Variants in RABGEF1 observed in about 807,000 individuals in gnomAD.
RABGEF1 encodes the protein RAB guanine nucleotide exchange factor 1.
RABGEF1 carries 26 observed loss-of-function variants against 57.3 expected under a neutral mutation model. That is an observed-to-expected ratio of 0.45 (90% CI 0.33 to 0.63). RABGEF1 has a LOEUF of 0.63. RABGEF1 is among the 20% of genes least tolerant of loss of function. The pLI, the probability that RABGEF1 is intolerant of heterozygous loss-of-function variation, is 0.02. For missense variants in RABGEF1, 464 were observed against 607.6 expected, an observed-to-expected ratio of 0.76 and a Z score of 2.48; for synonymous variants, 185 against 210.7, an observed-to-expected ratio of 0.88 and a Z score of 1.06.
chr7:66,746,063 A>G (rs1419076193), intron 1 of RABGEF1, among the ~76,000 whole-genome samples: 4 of 152,216 alleles, frequency 2.6e-5, no homozygotes, highest in Non-Finnish European at 4.4e-5. Flanking sequence ...GTTGTTTCAC[A>G]TGGCTGAAGT....
the RABGEF1 span, among the ~76,000 whole-genome samples, chr7:66,662,287 C>T: frequency 6.6e-6 from 1 of 151,322 alleles, no homozygotes; most frequent in African/African-American, 2.4e-5. Flanking sequence ...TGCAACATAG[C>T]GAAACCCCAT....
chr7:66,681,863 G>A (rs1421723675), upstream of RABGEF1, among the ~76,000 whole-genome samples: 2 of 152,086 alleles, frequency 1.3e-5, no homozygotes, highest in African/African-American at 2.4e-5. Context: ...TCGCCCTCCC[G>A]CTGCTGCGCA....
chr7:66,808,667 C>T (rs1789013974), intron 8 of RABGEF1, among the ~76,000 whole-genome samples: 2 of 152,138 alleles, frequency 1.3e-5, no homozygotes, highest in African/African-American at 4.8e-5. Context: ...GGGGAGGCTG[C>T]ACCCAGACAT....
chr7:66,791,982 C>A (rs891312860), intron 4 of RABGEF1, among the ~76,000 whole-genome samples: 1 of 151,898 alleles, frequency 6.6e-6, no homozygotes, highest in African/African-American at 2.4e-5. Flanking sequence ...CGTGGTGGCA[C>A]ATGCCTGTAG....
chr7:66,682,071 G>A, upstream of RABGEF1: 1 of 167,472 alleles, frequency 6.0e-6, no homozygotes, highest in Non-Finnish European at 1.5e-5. Flanking sequence ...CGGAAGTGAT[G>A]TTTGCGCGCC....
At chr7:66,733,697 C>CAAACAA (rs35157228) in intron 2 of RABGEF1, among the ~76,000 whole-genome samples, 5 of 151,138 alleles carry the variant, frequency 3.3e-5, no homozygotes, top group South Asian at 2.1e-4. Flanking sequence ...GGCTCCATCT[C>CAAACAA]AACAAAACAA....
At chr7:66,686,093 A>T (rs902448913) in intron 1 of RABGEF1, among the ~76,000 whole-genome samples, 3 of 152,118 alleles carry the variant, frequency 2.0e-5, no homozygotes, top group African/African-American at 7.2e-5. Context: ...AGCCTGGATC[A>T]AGACTGCGAA....
chr7:66,677,431 A>T (rs1789352072), upstream of RABGEF1, among the ~76,000 whole-genome samples: 1 of 152,026 alleles, frequency 6.6e-6, no homozygotes, highest in Non-Finnish European at 1.5e-5. Flanking sequence ...AATCAGAAAC[A>T]AGACAAGTAC....
intron 1 of RABGEF1, among the ~76,000 whole-genome samples, chr7:66,689,760 C>T (rs1791234033): frequency 1.3e-5 from 2 of 151,654 alleles, no homozygotes; most frequent in Admixed American, 6.6e-5. Context: ...CGAGATTGCA[C>T]CATTGCACTC....
intron 2 of RABGEF1, chr7:66,712,304 G>A (rs1794865048): frequency 6.6e-6 from 1 of 152,034 alleles, no homozygotes; most frequent in South Asian, 2.1e-4. Context: ...TATTTTGCAC[G>A]TTTTGCTAAT....
intron 1 of RABGEF1, among the ~76,000 whole-genome samples, chr7:66,753,879 GT>G (rs1053808007): frequency 6.6e-6 from 1 of 150,574 alleles, no homozygotes; most frequent in Admixed American, 6.6e-5. Context: ...GCTAATTTTT[GT>G]ATTTTTAGTA....
At chr7:66,714,391 G>A (rs1293151263) in intron 2 of RABGEF1, among the ~76,000 whole-genome samples, 1 of 152,038 alleles carries the variant, frequency 6.6e-6, no homozygotes. Context: ...TCTAACATTT[G>A]TAGAATTTGT....
At chr7:66,684,158 C>T (rs1205154902) in intron 1 of RABGEF1, among the ~76,000 whole-genome samples, 1 of 152,138 alleles carries the variant, frequency 6.6e-6, no homozygotes, top group East Asian at 1.9e-4. Context: ...TAAAATGGGT[C>T]TCCCTGGCTA....
chr7:66,659,563 T>TGAGTTCAA, the RABGEF1 span, among the ~76,000 whole-genome samples: 1 of 151,362 alleles, frequency 6.6e-6, no homozygotes, highest in African/African-American at 2.4e-5. Context: ...GTGGATCACT[T>TGAGTTCAA]GAGTTCAAGA....
chr7:66,805,493 T>G, intron 8 of RABGEF1, 97 bp downstream of exon 8: 1 of 1,534,906 alleles, frequency 6.5e-7, no homozygotes, highest in Non-Finnish European at 8.8e-7. Context: ...GGTGAATGCT[T>G]CTGTGTGAGA....
At chr7:66,655,102 AG>A in the RABGEF1 span, among the ~76,000 whole-genome samples, 1 of 152,166 alleles carries the variant, frequency 6.6e-6, no homozygotes, top group South Asian at 2.1e-4. Flanking sequence ...TGGCCGCGAC[AG>A]GGGCGCCGGG....
intron 1 of RABGEF1, among the ~76,000 whole-genome samples, chr7:66,742,753 C>G (rs1032143676): frequency 6.6e-6 from 1 of 152,072 alleles, no homozygotes; most frequent in African/African-American, 2.4e-5. Flanking sequence ...ACTGCAGATG[C>G]GTGCCACCAC....
At chr7:66,756,595 A>G (rs1330414421) in intron 1 of RABGEF1, among the ~76,000 whole-genome samples, 3 of 151,920 alleles carry the variant, frequency 2.0e-5, no homozygotes, top group African/African-American at 4.8e-5. Flanking sequence ...TTGCTTTTAT[A>G]TTTTGGCTAC....
chr7:66,793,152 C>T (rs1813133394), intron 4 of RABGEF1, among the ~76,000 whole-genome samples: 1 of 152,122 alleles, frequency 6.6e-6, no homozygotes, highest in Non-Finnish European at 1.5e-5. Context: ...TGGAAGCGAG[C>T]ACTACAGGTT....
Sources: gnomAD v4.1 joint callset for allele counts (sites outside exome capture counted in the v4.1 genomes callset) on GRCh38, gnomAD v4.1.1 for gene constraint, MANE v1.5 for transcripts, NCBI Gene and HGNC (gene_info 2026-07-23, HGNC 2026-07-21) for gene names.